The following CHUK variants were observed in gnomAD, a reference collection of about 807,000 sequenced individuals.
CHUK encodes inhibitor of nuclear factor kappa-B kinase subunit alpha.
CHUK carries 35 observed loss-of-function variants against 104.8 expected under a neutral mutation model. The observed-to-expected ratio is 0.33, with a 90% CI of 0.26 to 0.44. The LOEUF is 0.44. CHUK is among the 20% of genes least tolerant of loss of function. The pLI is 1.00. For missense variants in CHUK, 663 were observed against 902.7 expected (o/e 0.73, Z 3.40); for synonymous variants, 276 against 291.9 (o/e 0.95, Z 0.56).
Position 100,189,668 on chromosome 10 carries a change from A to G in CHUK, c.2209-41T>C, listed in dbSNP as rs139656806. ...AAAAAGTTACAATTAGATGTTGACT[A>G]TAAGTTATAAGTATATGGGTGTTCA... On this transcript the variant is annotated intron_variant, in intron 20 of 20. Transcript: ENST00000370397. 45 of 1,454,350 alleles carry G rather than the reference A, an allele frequency of 3.1e-5. No individual in the cohort carries two copies. The African/African-American group carries it at 3.8e-4, about 12-fold the overall frequency. 90.1% of individuals were successfully genotyped at this position (1,454,350 alleles called of 1,614,324 possible). A position where few individuals can be genotyped will look rare whatever the true frequency, so the allele number is the denominator to read the frequency against.
At chr10:100,186,872 G>A (rs1845030817), downstream of CHUK, 1 of 152,252 alleles carries the variant, frequency 6.6e-6, no homozygotes, top group African/African-American at 2.4e-5. Flanking sequence ...GGGTTGTAAA[G>A]TCCTCTAACC....
chr10:100,229,285 C>G, intron 1 of CHUK, 143 bp downstream of exon 1: 1 of 694,606 alleles, frequency 1.4e-6, no homozygotes, highest in Middle Eastern at 2.4e-4. Context: ...CTCTCTAATA[C>G]ACACACACAA....
At chr10:100,224,487 A>G (rs924042528) in intron 2 of CHUK, among the ~76,000 whole-genome samples, 1 of 152,078 alleles carries the variant, frequency 6.6e-6, no homozygotes, top group Non-Finnish European at 1.5e-5. Flanking sequence ...CCCAGGCTGG[A>G]GTGCAGTGGT....
At chr10:100,199,825 C>A in intron 16 of CHUK, 146 bp downstream of exon 16, 2 of 693,660 alleles carry the variant, frequency 2.9e-6, no homozygotes, top group Middle Eastern at 3.2e-4. Flanking sequence ...GCTTATTATA[C>A]CATGTCTCAA....
At chr10:100,211,578 C>T (rs1369371128) in intron 9 of CHUK, among the ~76,000 whole-genome samples, 2 of 152,188 alleles carry the variant, frequency 1.3e-5, no homozygotes, top group Admixed American at 6.5e-5. Flanking sequence ...AGTGAGATCA[C>T]GCAGTATTTC....
At chr10:100,201,041 G>A (rs547447263) in intron 14 of CHUK, among the ~76,000 whole-genome samples, 8 of 151,980 alleles carry the variant, frequency 5.3e-5, no homozygotes, top group South Asian at 2.1e-4. Flanking sequence ...TTTTACCTCC[G>A]GAGAAGCAAA....
chr10:100,228,950 T>C (rs1308843773), intron 1 of CHUK, among the ~76,000 whole-genome samples: 1 of 148,804 alleles, frequency 6.7e-6, no homozygotes, highest in Non-Finnish European at 1.5e-5. Flanking sequence ...TCTACTCCAG[T>C]CCCCACTGAT....
chr10:100,194,542 T>C (rs1845280462), intron 16 of CHUK, 21 bp from the exon 17 acceptor site: 2 of 1,507,848 alleles, frequency 1.3e-6, no homozygotes, highest in Non-Finnish European at 1.8e-6. Flanking sequence ...CATCAGTCAG[T>C]GGATATAACC....
At chr10:100,191,685 T>G (rs188123463) in intron 19 of CHUK, among the ~76,000 whole-genome samples, 3 of 152,360 alleles carry the variant, frequency 2.0e-5, no homozygotes, top group Admixed American at 6.5e-5. Context: ...TTTTAGGTCA[T>G]GGATGATAGC....
chr10:100,225,191 C>T (rs1018767428), intron 2 of CHUK, among the ~76,000 whole-genome samples: 1 of 152,168 alleles, frequency 6.6e-6, no homozygotes, highest in Admixed American at 6.6e-5. Flanking sequence ...TATCACTATA[C>T]TGCACAAAAC....
chr10:100,211,808 C>G (rs1252007502), intron 9 of CHUK, among the ~76,000 whole-genome samples: 3 of 152,040 alleles, frequency 2.0e-5, no homozygotes, highest in Non-Finnish European at 4.4e-5. Context: ...GTGCAAATAT[C>G]TCTTCACAAG....
chr10:100,228,993 G>GCGCACACACACACACACACACACA (rs764914118), intron 1 of CHUK, among the ~76,000 whole-genome samples: 2 of 133,464 alleles, frequency 1.5e-5, no homozygotes, highest in South Asian at 2.5e-4. Flanking sequence ...GCGCGCGCGC[G>GCGCACACACACACACACACACACA]CACACACACA....
In CHUK at chr10:100,207,311, C is replaced by T. The variant is rs151061868; in HGVS notation, c.1150G>A (p.Val384Ile). The T allele has an allele frequency of 5.5e-5, 84 of 1,526,662 alleles. No individual in the cohort carries two copies. The highest frequency in any genetic ancestry group is 4.1e-4 in the South Asian group (37 of 89,322). 94.6% of individuals were successfully genotyped at this position (1,526,662 alleles called of 1,614,324 possible). A position where few individuals can be genotyped will look rare whatever the true frequency, so the allele number is the denominator to read the frequency against. Residue 384 changes from valine (V) to isoleucine (I), a missense_variant, in exon 11 of 21, where the codon GTT becomes ATT. Physicochemically the swap from Val to Ile is conservative, Grantham distance 29. Coordinates refer to ENST00000370397, the MANE Select transcript of CHUK (RefSeq NM_001278.5). ...GTTTTACTTTTATCAAACAAATAAA[C>T]CATATAGCTATCACAGCCTCTCTGA... is the stretch of plus-strand genomic sequence containing the variant. ...DGVRGCDSYM[V>I]YLFDKSKTVY...
rs554929482 is a variant in CHUK at position 100,226,647 on chromosome 10, C to T, written c.106-630G>A. On this transcript the variant is annotated intron_variant, in intron 1 of 20. Coordinates refer to ENST00000370397, the MANE Select transcript of CHUK (RefSeq NM_001278.5). The stretch of plus-strand genomic sequence containing the variant: ...TGCATATTACAGGAAATAGCCAGAC[C>T]CCATCATATTCTGGCAACATTAATA... Among the ~76,000 whole-genome samples the T allele has an allele frequency of 2.6e-5, 4 of 152,214 alleles. No individual in the cohort carries two copies. The South Asian group carries it at 8.3e-4, about 32-fold the overall frequency.
intron 16 of CHUK, chr10:100,194,730 G>A (rs1001996800): frequency 3.3e-5 from 13 of 398,214 alleles, no homozygotes; most frequent in Non-Finnish European, 4.6e-5. Context: ...GTTTGCAGGT[G>A]TATAATGTAT....
chr10:100,218,216 G>A lies in CHUK; in HGVS notation c.798-86C>T. 3.3e-6 allele frequency: 4 copies of A among 1,229,694 alleles called. No homozygotes were observed. The South Asian group carries it at 3.7e-5, about 11-fold the overall frequency. 76.2% of individuals were successfully genotyped at this position (1,229,694 alleles called of 1,614,324 possible). ...TGTTAGAAAGGTAATTTTGCAGGTT[G>A]TCCATTTTCTTTCCCACATCACTTG... On this transcript the variant is annotated intron_variant, in intron 8 of 20. Coordinates refer to ENST00000370397, the MANE Select transcript of CHUK (RefSeq NM_001278.5).
At chr10:100,221,995 T>C (rs2134247804) in intron 4 of CHUK, 117 bp downstream of exon 4, 4 of 639,784 alleles carry the variant, frequency 6.3e-6, no homozygotes, top group South Asian at 5.1e-5. Flanking sequence ...TTCTTATAGA[T>C]GTTGAAATTC....
chr10:100,218,884 G>A (rs1845922236), intron 7 of CHUK, 59 bp from the exon 8 acceptor site: 1 of 1,524,706 alleles, frequency 6.6e-7, no homozygotes, highest in African/African-American at 1.4e-5. Flanking sequence ...AAGATTTCTT[G>A]CCATTTAATT....
intron 15 of CHUK, 143 bp from the exon 16 acceptor site, chr10:100,200,163 T>C (rs941908132): frequency 2.7e-6 from 2 of 751,718 alleles, no homozygotes; most frequent in Non-Finnish European, 2.4e-6. Flanking sequence ...CAGAGCATTG[T>C]ATTGAGTAAT....
Sources: gnomAD v4.1 joint callset for allele counts (sites outside exome capture counted in the v4.1 genomes callset) on GRCh38, gnomAD v4.1.1 for gene constraint, MANE v1.5 for transcripts, NCBI Gene and HGNC (gene_info 2026-07-23, HGNC 2026-07-21) for gene names.